The following GLIS3 variants were observed in gnomAD, a reference collection of about 807,000 sequenced individuals.
GLIS3 encodes the protein zinc finger protein GLIS3.
GLIS3 carries 53 observed loss-of-function variants against 78.6 expected under a neutral mutation model. The observed-to-expected ratio is 0.67, with a 90% CI of 0.54 to 0.85. GLIS3 has a LOEUF of 0.85. Among genes scored for constraint, GLIS3 ranks in the 40% least tolerant of loss-of-function variants. GLIS3 has a pLI of 0.00. For synonymous variants in GLIS3, 684 were observed against 509.9 expected (o/e 1.34, Z -4.60); for missense variants, 1,703 against 1,231.1 (o/e 1.38, Z -5.74).
intron 2 of GLIS3, among the ~76,000 whole-genome samples, chr9:4,280,646 T>C (rs1276225910): frequency 6.6e-6 from 1 of 152,172 alleles, no homozygotes; most frequent in Non-Finnish European, 1.5e-5. Flanking sequence ...TTAATTTAAA[T>C]GGGAATAGCT....
At chr9:4,482,980 T>A in the GLIS3 span, among the ~76,000 whole-genome samples, 1 of 152,314 alleles carries the variant, frequency 6.6e-6, no homozygotes, top group South Asian at 2.1e-4. Context: ...CTAACAAGTC[T>A]TTCAATTTGG....
intron 4 of GLIS3, among the ~76,000 whole-genome samples, chr9:4,103,014 G>A (rs1027916198): frequency 6.6e-6 from 1 of 152,064 alleles, no homozygotes; most frequent in South Asian, 2.1e-4. Flanking sequence ...GTTTGGACAT[G>A]ACATAACACT....
At chr9:3,903,156 A>G (rs1233514148) in intron 6 of GLIS3, among the ~76,000 whole-genome samples, 3 of 152,228 alleles carry the variant, frequency 2.0e-5, no homozygotes, top group Non-Finnish European at 2.9e-5. Context: ...AGTAACCATT[A>G]AGCCCAGGGC....
At chr9:4,157,999 C>G (rs1242783785) in intron 2 of GLIS3, among the ~76,000 whole-genome samples, 1 of 152,194 alleles carries the variant, frequency 6.6e-6, no homozygotes, top group Non-Finnish European at 1.5e-5. Context: ...GCATGCCTGT[C>G]AGGACCGACA....
chr9:3,892,368 G>A (rs1270765810), intron 7 of GLIS3, among the ~76,000 whole-genome samples: 2 of 152,202 alleles, frequency 1.3e-5, no homozygotes. Flanking sequence ...AATGGTTTGA[G>A]TCACGGCCGG....
At chr9:4,116,767 C>A (rs193023517) in intron 4 of GLIS3, among the ~76,000 whole-genome samples, 19 of 152,292 alleles carry the variant, frequency 1.2e-4, no homozygotes, top group African/African-American at 4.1e-4. Context: ...TTAGTACCAG[C>A]ACCATACTCA....
intron 2 of GLIS3, among the ~76,000 whole-genome samples, chr9:4,282,843 C>A: frequency 6.6e-6 from 1 of 152,076 alleles, no homozygotes; most frequent in Middle Eastern, 3.2e-3. Flanking sequence ...GTCCCATGTT[C>A]CATCAGCGTC....
At chr9:4,237,094 T>C (rs1045660662) in intron 2 of GLIS3, among the ~76,000 whole-genome samples, 1 of 122,334 alleles carries the variant, frequency 8.2e-6, no homozygotes, top group African/African-American at 2.6e-5. Flanking sequence ...GTATAAAGAA[T>C]CACCAACATG....
At chr9:4,183,744 G>A (rs189923073) in intron 2 of GLIS3, among the ~76,000 whole-genome samples, 4 of 152,182 alleles carry the variant, frequency 2.6e-5, no homozygotes, top group Non-Finnish European at 5.9e-5. Flanking sequence ...AGCTTTACAT[G>A]ACAACTGATT....
At chr9:4,292,362 T>C (rs1816070501) in intron 1 of GLIS3, among the ~76,000 whole-genome samples, 1 of 152,162 alleles carries the variant, frequency 6.6e-6, no homozygotes, top group Non-Finnish European at 1.5e-5. Context: ...TTTGTATGCA[T>C]ATACATCTTC....
chr9:3,845,336 G>C (rs557156893), intron 9 of GLIS3, among the ~76,000 whole-genome samples: 1 of 152,046 alleles, frequency 6.6e-6, no homozygotes, highest in East Asian at 1.9e-4. Flanking sequence ...CAGAACGTGA[G>C]GCCATTTTTA....
chr9:4,161,854 T>G (rs1325928422), intron 2 of GLIS3, among the ~76,000 whole-genome samples: 9 of 150,894 alleles, frequency 6.0e-5, no homozygotes, highest in East Asian at 3.9e-4. Flanking sequence ...TTTTTGTTTT[T>G]TTTTTTTTTC....
intron 4 of GLIS3, among the ~76,000 whole-genome samples, chr9:4,011,246 A>C (rs1192148567): frequency 6.6e-6 from 1 of 152,190 alleles, no homozygotes; most frequent in East Asian, 1.9e-4. Flanking sequence ...GCAGCTGCTG[A>C]GGTGTGGCAC....
intron 2 of GLIS3, among the ~76,000 whole-genome samples, chr9:4,196,448 C>G (rs1192664813): frequency 6.6e-6 from 1 of 152,236 alleles, no homozygotes; most frequent in Non-Finnish European, 1.5e-5. Context: ...TGCGATAAAT[C>G]TTGCTGCTCC....
intron 4 of GLIS3, among the ~76,000 whole-genome samples, chr9:3,968,143 T>C (rs1330050998): frequency 1.3e-5 from 2 of 152,206 alleles, no homozygotes; most frequent in African/African-American, 4.8e-5. Context: ...AAAATTGGAT[T>C]TCAAATCTAT....
chr9:4,129,288 G>A (rs767351119), intron 2 of GLIS3, among the ~76,000 whole-genome samples: 14 of 152,138 alleles, frequency 9.2e-5, no homozygotes, highest in South Asian at 2.1e-4. Context: ...TTTTTGTGCC[G>A]TATTTCTCCA....
chr9:4,002,817 A>G (rs1265509606), intron 4 of GLIS3, among the ~76,000 whole-genome samples: 2 of 152,200 alleles, frequency 1.3e-5, no homozygotes, highest in Middle Eastern at 3.2e-3. Flanking sequence ...AAGGGAAGTT[A>G]TCACCGATGT....
intron 2 of GLIS3, among the ~76,000 whole-genome samples, chr9:4,159,702 A>C (rs926663757): frequency 6.6e-6 from 1 of 150,556 alleles, no homozygotes; most frequent in African/African-American, 2.4e-5. Context: ...CTGGGTGAAG[A>C]AGTGAGACTC....
At chr9:4,348,293 G>A (rs534745329) in exon 1 of GLIS3, 16 of 152,266 alleles carry the variant, frequency 1.1e-4, no homozygotes, top group African/African-American at 2.9e-4. Flanking sequence ...TATCATCGAG[G>A]ACCAAGGTTT....
Sources: gnomAD v4.1 joint callset for allele counts (sites outside exome capture counted in the v4.1 genomes callset) on GRCh38, gnomAD v4.1.1 for gene constraint, MANE v1.5 for transcripts, NCBI Gene and HGNC (gene_info 2026-07-23, HGNC 2026-07-21) for gene names.